The following PLA2G4A variants were observed in gnomAD, a reference collection of about 807,000 sequenced individuals.
The protein encoded by PLA2G4A is cytosolic phospholipase A2.
In PLA2G4A, 40 loss-of-function variants were observed where a neutral mutation model predicts 81.9. The observed-to-expected ratio is 0.49, with a 90% confidence interval of 0.38 to 0.64. PLA2G4A has a LOEUF of 0.64. PLA2G4A is among the 30% of genes least tolerant of loss of function. PLA2G4A has a pLI of 0.00. For missense variants in PLA2G4A, 715 were observed against 905.1 expected (o/e 0.79, Z 2.69); for synonymous variants, 302 against 296.9 (o/e 1.02, Z -0.18).
chr1:186,846,148 T>C (rs1652165941), intron 1 of PLA2G4A, among the ~76,000 whole-genome samples: 1 of 152,212 alleles, frequency 6.6e-6, no homozygotes, highest in Admixed American at 6.5e-5. Flanking sequence ...TACTGTTTCA[T>C]GTGGTTAGTT....
At chr1:186,861,158 C>T (rs1473533917) in intron 2 of PLA2G4A, among the ~76,000 whole-genome samples, 1 of 152,164 alleles carries the variant, frequency 6.6e-6, no homozygotes, top group South Asian at 2.1e-4. Context: ...AATCCCAGTT[C>T]CAGATTGGTT....
chr1:186,930,739 T>C (rs975110501), intron 7 of PLA2G4A, among the ~76,000 whole-genome samples: 37 of 152,198 alleles, frequency 2.4e-4, no homozygotes, highest in Admixed American at 2.4e-3. Context: ...TTTTACAGTA[T>C]TAATCTTGAA....
At chr1:186,892,106 T>C (rs186459216) in intron 3 of PLA2G4A, among the ~76,000 whole-genome samples, 1 of 152,326 alleles carries the variant, frequency 6.6e-6, no homozygotes, top group Admixed American at 6.5e-5. Flanking sequence ...GAAATGTCTA[T>C]TCAAATCATT....
intron 10 of PLA2G4A, 142 bp from the exon 11 acceptor site, chr1:186,946,495 C>A (rs1415782027): frequency 2.8e-6 from 2 of 704,034 alleles, no homozygotes; most frequent in Non-Finnish European, 5.1e-6. Flanking sequence ...ACATAATGGG[C>A]ATTTGGCTAA....
intron 9 of PLA2G4A, 30 bp downstream of exon 9, chr1:186,939,260 T>C (rs773993068): frequency 3.2e-6 from 3 of 937,956 alleles, no homozygotes; most frequent in South Asian, 2.6e-5. Flanking sequence ...ACACTGCTTT[T>C]ATAACAAGTA....
intron 10 of PLA2G4A, among the ~76,000 whole-genome samples, chr1:186,943,900 T>C (rs1345147914): frequency 6.6e-6 from 1 of 152,172 alleles, no homozygotes; most frequent in Non-Finnish European, 1.5e-5. Context: ...AATAAAATTA[T>C]TTATGTAGTG....
At chr1:186,978,766 A>G (rs1324765592) in intron 16 of PLA2G4A, among the ~76,000 whole-genome samples, 1 of 152,204 alleles carries the variant, frequency 6.6e-6, no homozygotes, top group Non-Finnish European at 1.5e-5. Context: ...ACTCAAGTGC[A>G]AATAGTTTAT....
At chr1:186,846,975 G>A (rs375551183) in intron 1 of PLA2G4A, among the ~76,000 whole-genome samples, 33 of 151,772 alleles carry the variant, frequency 2.2e-4, no homozygotes, top group African/African-American at 7.2e-4. Flanking sequence ...GTCCCTGACC[G>A]CTCCTCCTTT....
intron 5 of PLA2G4A, among the ~76,000 whole-genome samples, chr1:186,898,242 C>T (rs1654411682): frequency 6.6e-6 from 1 of 151,990 alleles, no homozygotes; most frequent in East Asian, 1.9e-4. Context: ...CTCTATTGTG[C>T]TCCTAAAATG....
intron 12 of PLA2G4A, among the ~76,000 whole-genome samples, chr1:186,948,760 G>A (rs1656429777): frequency 6.6e-6 from 1 of 152,074 alleles, no homozygotes; most frequent in African/African-American, 2.4e-5. Context: ...TTTAGAGGCC[G>A]GCAGTCTGGC....
chr1:186,980,758 G>A (rs911706576), intron 17 of PLA2G4A, among the ~76,000 whole-genome samples: 4 of 127,114 alleles, frequency 3.1e-5, no homozygotes, highest in African/African-American at 9.9e-5. Context: ...TAATATATTT[G>A]TTAATTAATA....
At chr1:186,954,584 GTAA>G (rs1334825314) in intron 13 of PLA2G4A, among the ~76,000 whole-genome samples, 1 of 152,006 alleles carries the variant, frequency 6.6e-6, no homozygotes, top group Non-Finnish European at 1.5e-5. Flanking sequence ...AATTTTAAGT[GTAA>G]TAAAAATATA....
At chr1:186,971,551 C>T (rs771874181) in intron 15 of PLA2G4A, among the ~76,000 whole-genome samples, 23 of 151,944 alleles carry the variant, frequency 1.5e-4, no homozygotes, top group South Asian at 6.2e-4. Context: ...ATATATTACA[C>T]ATAATATAGT....
chr1:186,877,709 A>C (rs1475210982), intron 3 of PLA2G4A, among the ~76,000 whole-genome samples: 1 of 14,556 alleles, frequency 6.9e-5, no homozygotes, highest in African/African-American at 2.2e-4. Context: ...TACTCACAAA[A>C]AAAAAAAAAA....
At position 186,869,581 on chromosome 1, in the gene PLA2G4A, G is replaced by C. The variant is rs181611360; in HGVS notation, c.34-854G>C. On this transcript the variant is annotated intron_variant, in intron 2 of 17. Transcript: ENST00000367466. ...AATTTTTTTTGCCTCCTTGCATTTA[G>C]ACTGTCACTGCTCACTTTTCAGTAT... Among the ~76,000 whole-genome samples, 257 of 152,136 alleles carry C rather than the reference G, an allele frequency of 1.7e-3. 3 individuals carry two copies. The highest frequency in any genetic ancestry group is 6.0e-3 in the African/African-American group (250 of 41,510).
At chr1:186,967,943 G>A (rs1657191221) in intron 15 of PLA2G4A, among the ~76,000 whole-genome samples, 1 of 152,010 alleles carries the variant, frequency 6.6e-6, no homozygotes, top group Non-Finnish European at 1.5e-5. Flanking sequence ...GGAAGGCAAG[G>A]AATTAACATT....
At chr1:186,953,257 A>C (rs547404205) in intron 13 of PLA2G4A, among the ~76,000 whole-genome samples, 1 of 152,302 alleles carries the variant, frequency 6.6e-6, no homozygotes, top group South Asian at 2.1e-4. Context: ...GATATTGGTC[A>C]TTCTAATAGG....
intron 5 of PLA2G4A, among the ~76,000 whole-genome samples, chr1:186,896,043 A>G (rs999840975): frequency 3.3e-5 from 5 of 151,456 alleles, no homozygotes; most frequent in African/African-American, 1.2e-4. Flanking sequence ...ATAATTTGAT[A>G]TATTTTATGG....
intron 6 of PLA2G4A, 83 bp downstream of exon 6, chr1:186,907,085 A>G (rs1220798414): frequency 1.4e-5 from 11 of 765,800 alleles, no homozygotes; most frequent in East Asian, 2.7e-5. Context: ...TTTTTTATAT[A>G]TAATTCTGCA....
Sources: allele counts gnomAD v4.1 joint callset (sites outside exome capture counted in the v4.1 genomes callset), GRCh38; gene constraint gnomAD v4.1.1; transcripts MANE v1.5; gene names NCBI Gene and HGNC (gene_info 2026-07-23, HGNC 2026-07-21).